The following LOXHD1 variants were observed in gnomAD, a reference collection of about 807,000 sequenced individuals.
The protein encoded by LOXHD1 is lipoxygenase homology PLAT domains 1, also known as lipoxygenase homology domain-containing protein 1.
In LOXHD1, 205 loss-of-function variants were observed where a neutral mutation model predicts 248.2. That is an observed-to-expected ratio of 0.83 (90% CI 0.74 to 0.93). LOXHD1 has a LOEUF of 0.93. LOXHD1 is among the 40% of genes least tolerant of loss of function. The probability of loss-of-function intolerance (pLI) is 0.00; values close to 1 mark genes in which losing one functional copy is unlikely to be tolerated. For synonymous variants in LOXHD1, 1,113 were observed against 1,162.8 expected, an observed-to-expected ratio of 0.96 and a Z score of 0.87; for missense variants, 2,930 against 2,971.6, an observed-to-expected ratio of 0.99 and a Z score of 0.33.
intron 19 of LOXHD1, 31 bp downstream of exon 19, chr18:46,560,052 T>TGCCCCCCCC: frequency 1.2e-4 from 53 of 441,110 alleles, no homozygotes; most frequent in Non-Finnish European, 1.7e-4. Flanking sequence ...GGCCACTCCC[T>TGCCCCCCCC]CCCCACCCCC....
intron 8 of LOXHD1, among the ~76,000 whole-genome samples, chr18:46,599,384 T>C (rs1448911237): frequency 6.6e-6 from 1 of 152,170 alleles, no homozygotes; most frequent in Non-Finnish European, 1.5e-5. Context: ...CAATAAATGT[T>C]GCTGGAACAT....
chr18:46,541,627 G>T, intron 25 of LOXHD1, 149 bp downstream of exon 25: 2 of 774,624 alleles, frequency 2.6e-6, no homozygotes, highest in Non-Finnish European at 4.2e-6. Flanking sequence ...CCCCCACAGA[G>T]TCAGAAAATT....
chr18:46,577,727 G>A lies in LOXHD1; in HGVS notation c.1950C>T (p.Asn650=), dbSNP rs371762941. ...VREEGQPESD[N]VEFPCLRWLD... ...TGTACCTGAGACATGGGAACTCCAC[G>A]TTGTCGCTCTCAGGCTGCCCCTCCT... Residue 650 remains asparagine, a synonymous_variant, in exon 14 of 41, where the codon AAC becomes AAT. Coordinates refer to ENST00000642948, the MANE Select transcript of LOXHD1 (RefSeq NM_001384474.1). 7.0e-5 allele frequency: 109 copies of A among 1,551,358 alleles called. No homozygotes were observed. The highest frequency in any genetic ancestry group is 7.8e-5 in the Non-Finnish European group (89 of 1,146,814).
chr18:46,638,556 C>G (rs1225979213), intron 4 of LOXHD1, among the ~76,000 whole-genome samples: 1 of 152,110 alleles, frequency 6.6e-6, no homozygotes, highest in Non-Finnish European at 1.5e-5. Flanking sequence ...TCACTTGAAC[C>G]CAGGAGGCAG....
At position 46,569,633 on chromosome 18, in the gene LOXHD1, G is replaced by A. The variant is rs771462428; in HGVS notation, c.2053C>T (p.Arg685Cys). The change falls in exon 16 of 41, where the codon CGC becomes TGC. Residue 685 changes from arginine to cysteine, a missense_variant. By Grantham distance (180) the Arg-to-Cys change is radical. Transcript: ENST00000642948. ...SDSSATLKNF[R>C]YHISLKTGDV... The stretch of plus-strand genomic sequence containing the variant: ...CCAGTCTTCAAGCTGATGTGATAGC[G>A]AAAGTCTGAACAGCCCAAGGCAGAG... 1.4e-5 allele frequency: 22 copies of A among 1,550,726 alleles called. No homozygotes were observed. In the South Asian group the frequency reaches 1.5e-4, roughly 11 times the overall value.
chr18:46,566,640 C>T (rs1050250790), intron 16 of LOXHD1, among the ~76,000 whole-genome samples, 191 bp from the exon 17 acceptor site: 2 of 152,206 alleles, frequency 1.3e-5, no homozygotes, highest in African/African-American at 4.8e-5. Flanking sequence ...CAGGGCATCA[C>T]CTCACCTGCC....
At chr18:46,549,238 A>G (rs1316706262) in intron 21 of LOXHD1, among the ~76,000 whole-genome samples, 3 of 152,222 alleles carry the variant, frequency 2.0e-5, no homozygotes, top group Non-Finnish European at 4.4e-5. Flanking sequence ...CTCCTAAACA[A>G]GGATGATGGA....
chr18:46,612,497 T>G (rs2038522924), intron 5 of LOXHD1, among the ~76,000 whole-genome samples: 1 of 152,184 alleles, frequency 6.6e-6, no homozygotes, highest in South Asian at 2.1e-4. Flanking sequence ...ATGAATATAT[T>G]TTGGCCATTT....
At position 46,639,786 on chromosome 18, in the gene LOXHD1, T is replaced by C; in HGVS notation, c.341A>G (p.Asn114Ser). 1 of 1,551,688 alleles carries C rather than the reference T, an allele frequency of 6.4e-7. No individual in the cohort carries two copies. The highest frequency in any genetic ancestry group is 1.2e-5 in the South Asian group (1 of 84,054). ...GTACCAGCTGGCATTCAAGCCCGTG[T>C]TGTCATGCTCAATCCTGAGGCAGAA... ...LIYKVRIEHD[N>S]TGLNASWYLD... Residue 114 changes from asparagine (N) to serine (S), a missense_variant, in exon 4 of 41, where the codon AAC becomes AGC. Physicochemically the swap from Asn to Ser is conservative, Grantham distance 46 (BLOSUM62 1). Coordinates refer to ENST00000642948, the MANE Select transcript of LOXHD1 (RefSeq NM_001384474.1).
chr18:46,618,246 C>A lies in LOXHD1; in HGVS notation c.556G>T (p.Ala186Ser), dbSNP rs2038617340. 6.4e-7 allele frequency: 1 copy of A among 1,551,500 alleles called. No individual in the cohort carries two copies. ...ATGAAGACATCAGCATCTGTCCCTG[C>A]ACCAATTACATCACCAGTGTATACC... ...VKVYTGDVIG[A>S]GTDADVFINI... Residue 186 changes from alanine to serine, a missense_variant, in exon 5 of 41, where the codon GCA (alanine) becomes TCA (serine). Physicochemically the swap from Ala to Ser is moderately conservative, Grantham distance 99. Transcript: ENST00000642948.
At position 46,489,104 on chromosome 18, in the gene LOXHD1, T is replaced by G; in HGVS notation, c.5917A>C (p.Lys1973Gln). Reference sequence around the variant, plus strand: ...AAGGTCTCGTCGCGGGAGTTGTCCTTCACATCGACATAGCTCAGATGCCAG... The same window carrying G: ...AAGGTCTCGTCGCGGGAGTTGTCCTGCACATCGACATAGCTCAGATGCCAG... ...PGWHLSYVDV[K>Q]DNSRDETFHF... Residue 1973 changes from lysine to glutamine, a missense_variant, in exon 38 of 41, where the codon AAG (lysine) becomes CAG (glutamine). Lys to Gln is a moderately conservative substitution (Grantham distance 53, BLOSUM62 1). Transcript: ENST00000642948. 1.3e-6 allele frequency: 2 copies of G among 1,551,688 alleles called. No homozygotes were observed. Among genetic ancestry groups the G allele is most frequent in the Non-Finnish European group, 1.7e-6 (2 of 1,146,990 alleles).
chr18:46,518,067 G>A (rs746528174), intron 34 of LOXHD1, 62 bp downstream of exon 34: 1 of 1,545,946 alleles, frequency 6.5e-7, no homozygotes, highest in Non-Finnish European at 8.7e-7. Context: ...TGAAGGCAGG[G>A]TGGGGCAGAG....
Position 46,546,085 on chromosome 18 carries a change from T to C in LOXHD1, c.3515-664A>G, listed in dbSNP as rs150943025. 5.6e-3 allele frequency among the ~76,000 whole-genome samples: 851 copies of C among 152,148 alleles called. 8 individuals are homozygous for C. The highest frequency in any genetic ancestry group is 0.02 in the African/African-American group (810 of 41,508). On this transcript the variant is annotated intron_variant, in intron 22 of 40. Transcript: ENST00000642948. ...TTGATAGGATGGTTAGGGGATACTTTGAGGGTCAGAGGCTCAGCAGCCAGG... is the reference window on the plus strand; with the variant it reads ...TTGATAGGATGGTTAGGGGATACTTCGAGGGTCAGAGGCTCAGCAGCCAGG...
intron 7 of LOXHD1, among the ~76,000 whole-genome samples, chr18:46,603,345 G>A (rs1250612674): frequency 6.6e-6 from 1 of 152,122 alleles, no homozygotes; most frequent in East Asian, 1.9e-4. Context: ...AGGTGTGAAT[G>A]TGCAGTGGGA....
At chr18:46,535,395 GA>G (rs1223192252) in intron 26 of LOXHD1, among the ~76,000 whole-genome samples, 3 of 148,106 alleles carry the variant, frequency 2.0e-5, no homozygotes, top group South Asian at 2.2e-4. Flanking sequence ...AAAGTCCCCT[GA>G]AAAAAAAAAG....
intron 33 of LOXHD1, chr18:46,520,733 C>A (rs565754669): frequency 8.0e-6 from 2 of 249,606 alleles, no homozygotes; most frequent in Non-Finnish European, 1.6e-5. Context: ...AATGACCCTG[C>A]CTGTCTACAT....
chr18:46,477,489 G>A lies in LOXHD1; in HGVS notation c.6805C>T (p.Leu2269Phe). 2 of 1,547,860 alleles carry A rather than the reference G, an allele frequency of 1.3e-6. No homozygotes were observed. Among genetic ancestry groups the A allele is most frequent in the Non-Finnish European group, 8.7e-7 (1 of 1,144,860 alleles). The change falls in exon 41 of 41, where the codon CTC becomes TTC. Residue 2269 changes from leucine to phenylalanine, a missense_variant. Leu to Phe is a conservative substitution (Grantham distance 22). Coordinates refer to ENST00000642948, the MANE Select transcript of LOXHD1 (RefSeq NM_001384474.1). ...KRGDGLTWRD[L>F]FPSV is the part of the protein sequence containing the mutation. ...CTAGCCCCTCAGACAGAAGGGAAGA[G>A]GTCTCTCCAGGTGAGTCCATCCCCC...
intron 7 of LOXHD1, 102 bp downstream of exon 7, chr18:46,604,004 G>A (rs1204834726): frequency 6.9e-6 from 10 of 1,456,506 alleles, no homozygotes; most frequent in Non-Finnish European, 9.3e-6. Context: ...AGACCCAGCT[G>A]GCTCCTGTTT....
chr18:46,560,389 C>A lies in LOXHD1; in HGVS notation c.2755G>T (p.Glu919Ter). Residue 919 changes from glutamate (E) to a stop codon, truncating the protein, a stop_gained, in exon 19 of 41, where the codon GAG becomes TAG. Coordinates refer to ENST00000642948, the MANE Select transcript of LOXHD1 (RefSeq NM_001384474.1). LOFTEE classifies it high-confidence loss of function. ...AGCAGCTGCCGCAGCTTGTCCTTCT[C>A]CTTCTTCTTCCGGGCCTCCTCCTCC... Reference protein sequence around the residue: ...TPEEEARKKKEKDKLRQLLKK... With the variant: ...TPEEEARKKK The A allele has an allele frequency of 6.4e-7, 1 of 1,551,890 alleles. No individual in the cohort carries two copies. Among genetic ancestry groups the A allele is most frequent in the South Asian group, 1.2e-5 (1 of 84,132 alleles).
Sources: allele counts gnomAD v4.1 joint callset (sites outside exome capture counted in the v4.1 genomes callset), GRCh38; gene constraint gnomAD v4.1.1; transcripts MANE v1.5; gene names NCBI Gene and HGNC (gene_info 2026-07-23, HGNC 2026-07-21).